Variants in ST6GALNAC5 observed in about 807,000 individuals in gnomAD.
ST6GALNAC5 encodes the protein alpha-N-acetylgalactosaminide alpha-2,6-sialyltransferase 5.
ST6GALNAC5 carries 27 observed loss-of-function variants against 33.6 expected under a neutral mutation model. The ratio of observed to expected loss-of-function variants is 0.80; its 90% CI spans 0.59 to 1.11. The LOEUF is 1.11. Among genes scored for constraint, ST6GALNAC5 ranks in the 50% least tolerant of loss-of-function variants. ST6GALNAC5 has a pLI of 0.00. For synonymous variants in ST6GALNAC5, 194 were observed against 171.2 expected (o/e 1.13, Z -1.04); for missense variants, 428 against 454.0 (o/e 0.94, Z 0.52).
At chr1:77,024,603 G>T (rs546541842) in intron 2 of ST6GALNAC5, among the ~76,000 whole-genome samples, 1 of 152,318 alleles carries the variant, frequency 6.6e-6, no homozygotes, top group East Asian at 1.9e-4. Flanking sequence ...AGCACTGTGT[G>T]CTCTGGATGG....
At chr1:76,897,519 C>T (rs1646757739) in intron 2 of ST6GALNAC5, among the ~76,000 whole-genome samples, 1 of 151,974 alleles carries the variant, frequency 6.6e-6, no homozygotes, top group South Asian at 2.1e-4. Context: ...GGGATATTGG[C>T]ATTAATCGGG....
Position 77,044,563 on chromosome 1 carries a change from C to T in ST6GALNAC5, c.621C>T (p.His207=), listed in dbSNP as rs1427824908. The T allele has an allele frequency of 2.5e-6, 4 of 1,590,142 alleles. No individual in the cohort carries two copies. The highest frequency in any genetic ancestry group is 2.6e-6 in the Non-Finnish European group (3 of 1,166,536). Residue 207 remains histidine, a synonymous_variant, in exon 3 of 5, where the codon CAC becomes CAT. Coordinates refer to ENST00000477717, the MANE Select transcript of ST6GALNAC5 (RefSeq NM_030965.3). ...TGAAGGCCTTCATGATTACTCGCCA[C>T]AAGATGCTGCAGTTTGATGAGCTCT... is the stretch of plus-strand genomic sequence containing the variant. ...PRLKAFMITR[H]KMLQFDELFK...
Position 77,046,887 on chromosome 1 carries a change from A to AT in ST6GALNAC5, c.671+2278dup, listed in dbSNP as rs556612687. ...ATTGTTCTGGACTCCTTGAGAAATCATTTTAAGCTGATAAGTTAGATACTA... is the reference window on the plus strand; with the variant it reads ...ATTGTTCTGGACTCCTTGAGAAATCATTTTTAAGCTGATAAGTTAGATACTA... On this transcript the variant is annotated intron_variant, in intron 3 of 4. Transcript: ENST00000477717. 9.6e-4 allele frequency among the ~76,000 whole-genome samples: 146 copies of AT among 152,320 alleles called. 1 individual carries two copies. The highest frequency in any genetic ancestry group is 9.1e-3 in the South Asian group (44 of 4,826).
intron 2 of ST6GALNAC5, among the ~76,000 whole-genome samples, chr1:76,964,336 C>A (rs1376667108): frequency 6.6e-6 from 1 of 152,044 alleles, no homozygotes; most frequent in Non-Finnish European, 1.5e-5. Flanking sequence ...CAGAGTTGTC[C>A]TCTTGAAAAA....
At chr1:76,900,209 C>T (rs1221613266) in intron 2 of ST6GALNAC5, among the ~76,000 whole-genome samples, 1 of 151,898 alleles carries the variant, frequency 6.6e-6, no homozygotes, top group African/African-American at 2.4e-5. Flanking sequence ...AGATTTTGAG[C>T]CAGGATGAGC....
Position 77,039,483 on chromosome 1 carries a change from TTTA to T in ST6GALNAC5, c.262-4720_262-4718del, listed in dbSNP as rs554696418. On this transcript the variant is annotated intron_variant, in intron 2 of 4. Coordinates refer to ENST00000477717, the MANE Select transcript of ST6GALNAC5 (RefSeq NM_030965.3). ...TACCACCCTTTCTCTTTGTGGCATC[TTTA>T]GCAAGGCCTGGGGTTTACAGCCAAA... is the stretch of plus-strand genomic sequence containing the variant. 9.8e-4 allele frequency among the ~76,000 whole-genome samples: 150 copies of T among 152,344 alleles called. 1 individual carries two copies. Among genetic ancestry groups the T allele is most frequent in the African/African-American group, 3.6e-3 (149 of 41,570 alleles).
chr1:76,974,491 T>C (rs529636127), intron 2 of ST6GALNAC5, among the ~76,000 whole-genome samples: 1 of 152,050 alleles, frequency 6.6e-6, no homozygotes, highest in African/African-American at 2.4e-5. Context: ...CATGAGCTAC[T>C]GTGCCAGGCT....
At chr1:76,998,817 G>A (rs1650035696) in intron 2 of ST6GALNAC5, among the ~76,000 whole-genome samples, 1 of 152,132 alleles carries the variant, frequency 6.6e-6, no homozygotes, top group African/African-American at 2.4e-5. Context: ...CGCAGAATGT[G>A]GAATAGTTTC....
intron 2 of ST6GALNAC5, among the ~76,000 whole-genome samples, chr1:76,920,128 A>T (rs1253700381): frequency 6.6e-6 from 1 of 152,134 alleles, no homozygotes; most frequent in Non-Finnish European, 1.5e-5. Context: ...AGGGAAAGGA[A>T]AGCATATCCA....
chr1:76,915,854 T>A (rs79824891), intron 2 of ST6GALNAC5, among the ~76,000 whole-genome samples: 5,476 of 139,786 alleles, frequency 0.039, 347 homozygotes, highest in African/African-American at 0.13. Context: ...AATAATAAAT[T>A]AAAAAAAGAA....
intron 2 of ST6GALNAC5, among the ~76,000 whole-genome samples, chr1:77,010,548 C>T (rs528009325): frequency 6.6e-6 from 1 of 152,202 alleles, no homozygotes; most frequent in African/African-American, 2.4e-5. Flanking sequence ...TTGGGGTACA[C>T]ACTTCCAAGC....
intron 2 of ST6GALNAC5, among the ~76,000 whole-genome samples, chr1:77,004,110 C>T (rs1216328573): frequency 1.3e-5 from 2 of 151,100 alleles, no homozygotes; most frequent in Non-Finnish European, 3.0e-5. Flanking sequence ...TCCATTCTCC[C>T]CATCACTTTC....
intron 2 of ST6GALNAC5, among the ~76,000 whole-genome samples, chr1:77,006,142 T>TTTTG (rs1557758032): frequency 6.6e-6 from 1 of 151,718 alleles, no homozygotes; most frequent in Non-Finnish European, 1.5e-5. Context: ...TGTAGTTTTT[T>TTTTG]TTGTTGTTGT....
intron 2 of ST6GALNAC5, among the ~76,000 whole-genome samples, chr1:76,927,927 A>T (rs1329100286): frequency 6.6e-6 from 1 of 152,158 alleles, no homozygotes; most frequent in African/African-American, 2.4e-5. Flanking sequence ...GCATGCCATT[A>T]TTAATGCTGC....
chr1:76,930,414 G>T (rs558700758), intron 2 of ST6GALNAC5, among the ~76,000 whole-genome samples: 1 of 152,076 alleles, frequency 6.6e-6, no homozygotes, highest in East Asian at 1.9e-4. Flanking sequence ...TAGCAGTTTC[G>T]TGAATAACCT....
rs148106124 is a variant in ST6GALNAC5 at position 76,954,503 on chromosome 1, C to A, written c.261+85761C>A. On this transcript the variant is annotated intron_variant, in intron 2 of 4. Coordinates refer to ENST00000477717, the MANE Select transcript of ST6GALNAC5 (RefSeq NM_030965.3). ...CACGTTTACCTGTGTAAAAAGCCTG[C>A]GCATCCTGCACATGTACCCCAAGCT... is the stretch of plus-strand genomic sequence containing the variant. 5.1e-3 allele frequency among the ~76,000 whole-genome samples: 768 copies of A among 151,992 alleles called. 4 individuals are homozygous for A. Among genetic ancestry groups the A allele is most frequent in the Admixed American group, 0.011 (166 of 15,250 alleles).
intron 2 of ST6GALNAC5, among the ~76,000 whole-genome samples, chr1:76,910,012 C>A (rs1472073826): frequency 1.3e-5 from 2 of 151,982 alleles, no homozygotes; most frequent in Non-Finnish European, 2.9e-5. Flanking sequence ...AAGATGTTAA[C>A]ATTCACATTC....
chr1:77,048,582 G>A (rs1652093725), intron 3 of ST6GALNAC5, among the ~76,000 whole-genome samples: 2 of 152,160 alleles, frequency 1.3e-5, no homozygotes, highest in Non-Finnish European at 2.9e-5. Context: ...TACCTATGTA[G>A]GCTGAAGGCT....
Position 77,008,237 on chromosome 1 carries a change from A to G in ST6GALNAC5, c.262-35967A>G, listed in dbSNP as rs189720637. 3.1e-3 allele frequency among the ~76,000 whole-genome samples: 471 copies of G among 152,284 alleles called. 2 individuals are homozygous for G. Among genetic ancestry groups the G allele is most frequent in the African/African-American group, 0.01 (426 of 41,564 alleles). On this transcript the variant is annotated intron_variant, in intron 2 of 4. Coordinates refer to ENST00000477717, the MANE Select transcript of ST6GALNAC5 (RefSeq NM_030965.3). ...CTTCATGCACAAGAGCTTTCATTGA[A>G]CAACAGTCAAGCTTTGCTTCAGGGT... is the stretch of plus-strand genomic sequence containing the variant.
Sources: allele counts gnomAD v4.1 joint callset (sites outside exome capture counted in the v4.1 genomes callset), GRCh38; gene constraint gnomAD v4.1.1; transcripts MANE v1.5; gene names NCBI Gene and HGNC (gene_info 2026-07-23, HGNC 2026-07-21).